Variants in DCDC1 observed in about 807,000 individuals in gnomAD.
The protein encoded by DCDC1 is doublecortin domain containing 1, also known as doublecortin domain-containing protein 1.
Under a neutral mutation model 178.3 loss-of-function variants are expected in DCDC1, and 200 were observed. The observed-to-expected ratio is 1.12, with a 90% CI of 1.00 to 1.26. The LOEUF (loss-of-function observed/expected upper bound fraction) is 1.26, where lower values mean the gene tolerates loss of function less well. Among genes scored for constraint, DCDC1 ranks in the 50% most tolerant of loss-of-function variants. DCDC1 has a pLI of 0.00. For missense variants in DCDC1, 1,983 were observed against 1,749.2 expected, an observed-to-expected ratio of 1.13 and a Z score of -2.38; for synonymous variants, 690 against 604.8, an observed-to-expected ratio of 1.14 and a Z score of -2.07.
intron 26 of DCDC1, among the ~76,000 whole-genome samples, chr11:30,916,641 AAC>A (rs1945855580): frequency 6.6e-6 from 1 of 152,204 alleles, no homozygotes; most frequent in African/African-American, 2.4e-5. Flanking sequence ...AATAGAAAAA[AAC>A]ACACAAATGA....
chr11:31,082,162 C>A (rs1283155032), intron 17 of DCDC1, among the ~76,000 whole-genome samples: 1 of 152,122 alleles, frequency 6.6e-6, no homozygotes, highest in Non-Finnish European at 1.5e-5. Flanking sequence ...TATATTCCAT[C>A]CAAGAATCAG....
At chr11:31,279,109 C>T (rs1406228432) in intron 7 of DCDC1, among the ~76,000 whole-genome samples, 1 of 152,076 alleles carries the variant, frequency 6.6e-6, no homozygotes, top group Non-Finnish European at 1.5e-5. Context: ...ATCTCTTGGA[C>T]CTTCTTTCAT....
At chr11:31,274,410 C>T in intron 7 of DCDC1, among the ~76,000 whole-genome samples, 1 of 152,048 alleles carries the variant, frequency 6.6e-6, no homozygotes, top group Non-Finnish European at 1.5e-5. Flanking sequence ...TGGATAAAGA[C>T]ATTTATAAAA....
At chr11:31,089,404 C>T (rs979519858) in intron 17 of DCDC1, among the ~76,000 whole-genome samples, 1 of 151,966 alleles carries the variant, frequency 6.6e-6, no homozygotes, top group African/African-American at 2.4e-5. Flanking sequence ...GATAATGTGC[C>T]TTGGTTTTGT....
Position 31,300,437 on chromosome 11 carries a change from A to G in DCDC1, c.754+5178T>C, listed in dbSNP as rs143131299. Among the ~76,000 whole-genome samples, 20 of 152,248 alleles carry G rather than the reference A, an allele frequency of 1.3e-4. No homozygotes were observed. In the East Asian group the frequency reaches 3.9e-3, roughly 30 times the overall value. On this transcript the variant is annotated intron_variant, in intron 6 of 38. Coordinates refer to ENST00000684477, the MANE Select transcript of DCDC1 (RefSeq NM_001387274.1). ...GGGCTTATAGACACTTAATTTTCAA[A>G]TGATTTATCTTTATTAGAAATATCC...
chr11:31,304,744 T>A (rs1948341579), intron 6 of DCDC1, among the ~76,000 whole-genome samples: 1 of 152,104 alleles, frequency 6.6e-6, no homozygotes, highest in Non-Finnish European at 1.5e-5. Flanking sequence ...TTTATAGAAG[T>A]TGCAGAAAAA....
chr11:31,303,415 CTTTAAG>C (rs1948247012), intron 6 of DCDC1, among the ~76,000 whole-genome samples: 1 of 152,136 alleles, frequency 6.6e-6, no homozygotes, highest in Admixed American at 6.6e-5. Flanking sequence ...GATCATGTCT[CTTTAAG>C]TTTATCTACC....
chr11:31,254,637 T>C (rs1261087926), intron 8 of DCDC1, among the ~76,000 whole-genome samples: 1 of 152,130 alleles, frequency 6.6e-6, no homozygotes, highest in Non-Finnish European at 1.5e-5. Flanking sequence ...AGCTCATGAG[T>C]CTGCAAGTTA....
Position 30,903,621 on chromosome 11 carries a change from T to C in DCDC1, c.4371A>G (p.Lys1457=). ...LARAASKVYT[K]DGTPIFTLRD... Reference sequence around the variant, plus strand: ...GCAAGGTAAAGATTGGGGTTCCATCTTTGGTATATACTTTGGAGGCTGCTC... The same window carrying C: ...GCAAGGTAAAGATTGGGGTTCCATCCTTGGTATATACTTTGGAGGCTGCTC... The change falls in exon 32 of 39, where the codon AAA becomes AAG. Residue 1457 remains lysine, a synonymous_variant. Coordinates refer to ENST00000684477, the MANE Select transcript of DCDC1 (RefSeq NM_001387274.1). The C allele has an allele frequency of 1.9e-6, 3 of 1,611,716 alleles. No individual in the cohort carries two copies. Among genetic ancestry groups the C allele is most frequent in the Non-Finnish European group, 2.5e-6 (3 of 1,178,912 alleles).
intron 20 of DCDC1, among the ~76,000 whole-genome samples, chr11:31,019,614 G>T (rs1159376526): frequency 6.6e-6 from 1 of 152,040 alleles, no homozygotes; most frequent in African/African-American, 2.4e-5. Context: ...TGATAGAATA[G>T]CATAACTGGT....
chr11:31,218,645 G>T (rs1254275171), intron 9 of DCDC1, among the ~76,000 whole-genome samples: 1 of 151,944 alleles, frequency 6.6e-6, no homozygotes, highest in Non-Finnish European at 1.5e-5. Flanking sequence ...AGAAAAAAAG[G>T]GTCATAATAA....
intron 36 of DCDC1, among the ~76,000 whole-genome samples, chr11:30,884,033 ATT>A (rs59940255): frequency 8.4e-5 from 8 of 95,734 alleles, no homozygotes; most frequent in Admixed American, 2.5e-4. Context: ...ATTCTTTCTC[ATT>A]TTTTTTTTTT....
intron 18 of DCDC1, among the ~76,000 whole-genome samples, chr11:31,067,784 A>G (rs187489548): frequency 6.6e-6 from 1 of 152,304 alleles, no homozygotes; most frequent in Admixed American, 6.5e-5. Flanking sequence ...AAAAAAATCA[A>G]TCACAGTAGG....
intron 6 of DCDC1, among the ~76,000 whole-genome samples, chr11:31,302,296 C>T (rs1948167945): frequency 6.6e-6 from 1 of 152,104 alleles, no homozygotes; most frequent in Admixed American, 6.6e-5. Context: ...CTTATAAACC[C>T]CATGGATCTG....
intron 38 of DCDC1, among the ~76,000 whole-genome samples, chr11:30,877,050 C>T (rs1420095296): frequency 2.0e-5 from 3 of 152,074 alleles, no homozygotes; most frequent in Non-Finnish European, 2.9e-5. Context: ...GAGAAAATGT[C>T]TGTAAAAGGG....
At chr11:31,091,972 T>C (rs1957847991) in intron 16 of DCDC1, among the ~76,000 whole-genome samples, 1 of 152,164 alleles carries the variant, frequency 6.6e-6, no homozygotes, top group South Asian at 2.1e-4. Flanking sequence ...CATTTTAAGG[T>C]GGTTTGTGAA....
In DCDC1 at chr11:31,094,195, A is replaced by G. The variant is rs763518487; in HGVS notation, c.1984-11T>C. On this transcript the variant is annotated splice_polypyrimidine_tract_variant and intron_variant, in intron 15 of 38. Transcript: ENST00000684477. ...AATATTGGGATCTACCTGTATCATA[A>G]GAAGAAGTATGCATTTTTAACTCAT... 5.2e-6 allele frequency: 4 copies of G among 765,768 alleles called. No individual in the cohort carries two copies. The highest frequency in any genetic ancestry group is 9.6e-6 in the Non-Finnish European group (4 of 417,572). The allele number at this position is 765,768 out of a possible 1,614,324, so 47.4% of individuals were successfully genotyped here.
intron 20 of DCDC1, among the ~76,000 whole-genome samples, chr11:31,036,305 T>C (rs1396438982): frequency 6.6e-6 from 1 of 152,234 alleles, no homozygotes; most frequent in African/African-American, 2.4e-5. Flanking sequence ...CCATATTCTG[T>C]GCATGTTCTT....
At chr11:30,941,708 G>T (rs1010525193) in intron 21 of DCDC1, among the ~76,000 whole-genome samples, 1 of 152,068 alleles carries the variant, frequency 6.6e-6, no homozygotes, top group African/African-American at 2.4e-5. Flanking sequence ...AAAAGTTTTT[G>T]AATCTTGCAA....
Sources: gnomAD v4.1 joint callset for allele counts (sites outside exome capture counted in the v4.1 genomes callset) on GRCh38, gnomAD v4.1.1 for gene constraint, MANE v1.5 for transcripts, NCBI Gene and HGNC (gene_info 2026-07-23, HGNC 2026-07-21) for gene names.